GREM2: variants seen among roughly 807,000 people sequenced by gnomAD.
GREM2 encodes gremlin-2.
GREM2 carries 11 observed loss-of-function variants against 14.2 expected under a neutral mutation model. The ratio of observed to expected loss-of-function variants is 0.78; its 90% confidence interval spans 0.49 to 1.28. The LOEUF is 1.28. Among genes scored for constraint, GREM2 ranks in the 50% most tolerant of loss-of-function variants. The probability of loss-of-function intolerance (pLI) is 0.00; values close to 1 mark genes in which losing one functional copy is unlikely to be tolerated. For missense variants in GREM2, 210 were observed against 218.5 expected, an observed-to-expected ratio of 0.96 and a Z score of 0.24; for synonymous variants, 98 against 97.6, an observed-to-expected ratio of 1.00 and a Z score of -0.02.
At chr1:240,579,119 T>C (rs80206121) in intron 1 of GREM2, among the ~76,000 whole-genome samples, 2 of 152,292 alleles carry the variant, frequency 1.3e-5, no homozygotes, top group African/African-American at 2.4e-5. Flanking sequence ...CCAGGCCACA[T>C]CTGTCAGATT....
chr1:240,564,441 G>C (rs2103355855), intron 1 of GREM2, among the ~76,000 whole-genome samples: 1 of 150,380 alleles, frequency 6.6e-6, no homozygotes, highest in African/African-American at 2.4e-5. Context: ...CTGGGAGATG[G>C]AGGTTGCAAT....
intron 1 of GREM2, among the ~76,000 whole-genome samples, chr1:240,539,565 A>G (rs768573328): frequency 8.5e-5 from 13 of 152,196 alleles, no homozygotes; most frequent in Non-Finnish European, 1.6e-4. Context: ...GAGTTGAAAT[A>G]CAGTTTTTAA....
intron 1 of GREM2, among the ~76,000 whole-genome samples, chr1:240,585,459 G>A (rs1055790923): frequency 6.6e-6 from 1 of 152,064 alleles, no homozygotes; most frequent in Non-Finnish European, 1.5e-5. Context: ...ACTGGGCACG[G>A]TGGCTCACCC....
At chr1:240,551,406 T>C (rs927982848) in intron 1 of GREM2, among the ~76,000 whole-genome samples, 20 of 152,214 alleles carry the variant, frequency 1.3e-4, no homozygotes, top group African/African-American at 4.3e-4. Context: ...TGATGTGCAA[T>C]GGCGCAATCT....
intron 1 of GREM2, among the ~76,000 whole-genome samples, chr1:240,558,777 G>A (rs1419871575): frequency 6.6e-6 from 1 of 151,862 alleles, no homozygotes; most frequent in Non-Finnish European, 1.5e-5. Context: ...TATTGGGAAT[G>A]AAAACTGAAA....
At chr1:240,594,760 G>A (rs1042916122) in intron 1 of GREM2, among the ~76,000 whole-genome samples, 4 of 151,816 alleles carry the variant, frequency 2.6e-5, no homozygotes, top group Admixed American at 6.6e-5. Flanking sequence ...GTCACTTAAC[G>A]ACAGGGGACA....
chr1:240,518,387 T>G (rs1025759020), intron 1 of GREM2, among the ~76,000 whole-genome samples: 1 of 152,166 alleles, frequency 6.6e-6, no homozygotes, highest in African/African-American at 2.4e-5. Context: ...TTATCATCAG[T>G]TGGAGAGATA....
chr1:240,554,913 G>A (rs1026501819), intron 1 of GREM2, among the ~76,000 whole-genome samples: 19 of 152,146 alleles, frequency 1.2e-4, no homozygotes, highest in African/African-American at 4.3e-4. Flanking sequence ...GGAGGTTGAG[G>A]CGGGAGGATC....
intron 1 of GREM2, among the ~76,000 whole-genome samples, chr1:240,586,627 A>G (rs546669288): frequency 6.6e-6 from 1 of 152,334 alleles, no homozygotes; most frequent in African/African-American, 2.4e-5. Flanking sequence ...ACCCCAACAG[A>G]AATCTGCAAA....
intron 1 of GREM2, among the ~76,000 whole-genome samples, chr1:240,538,766 G>A (rs1678531056): frequency 6.6e-6 from 1 of 152,028 alleles, no homozygotes; most frequent in African/African-American, 2.4e-5. Flanking sequence ...ACCATGTTTG[G>A]TAAACTGTAT....
At chr1:240,597,880 G>C (rs1679851235) in intron 1 of GREM2, among the ~76,000 whole-genome samples, 1 of 152,100 alleles carries the variant, frequency 6.6e-6, no homozygotes, top group Non-Finnish European at 1.5e-5. Context: ...CCCTCTGCCA[G>C]CTACTGAGGG....
intron 1 of GREM2, among the ~76,000 whole-genome samples, chr1:240,599,698 C>T (rs1457283509): frequency 6.6e-6 from 1 of 152,180 alleles, no homozygotes; most frequent in East Asian, 1.9e-4. Context: ...ATAGCTATTA[C>T]TTTGATAAGT....
chr1:240,587,329 T>A (rs1405581001), intron 1 of GREM2, among the ~76,000 whole-genome samples: 4 of 151,900 alleles, frequency 2.6e-5, no homozygotes, highest in Non-Finnish European at 5.9e-5. Flanking sequence ...TTTCTTTTTT[T>A]TGGGGGGGTG....
At chr1:240,504,300 G>A (rs553949091) in intron 1 of GREM2, among the ~76,000 whole-genome samples, 6 of 152,062 alleles carry the variant, frequency 3.9e-5, no homozygotes, top group Non-Finnish European at 8.8e-5. Context: ...AATATTCTTT[G>A]TTATTTCTCA....
At chr1:240,586,459 C>T (rs1414258369) in intron 1 of GREM2, among the ~76,000 whole-genome samples, 1 of 152,168 alleles carries the variant, frequency 6.6e-6, no homozygotes, top group Non-Finnish European at 1.5e-5. Flanking sequence ...CCCTCTTGTT[C>T]CTGCTGCTTC....
At chr1:240,547,476 G>A (rs1355201385) in intron 1 of GREM2, among the ~76,000 whole-genome samples, 2 of 141,790 alleles carry the variant, frequency 1.4e-5, no homozygotes, top group African/African-American at 2.7e-5. Flanking sequence ...CTCCAGCCTG[G>A]GCGACAGAGT....
chr1:240,552,539 G>A (rs1045152402), intron 1 of GREM2, among the ~76,000 whole-genome samples: 1 of 152,172 alleles, frequency 6.6e-6, no homozygotes, highest in African/African-American at 2.4e-5. Context: ...AGATTACAGC[G>A]AGCTGTGATC....
chr1:240,563,811 A>G (rs1382414693), intron 1 of GREM2, among the ~76,000 whole-genome samples: 1 of 152,220 alleles, frequency 6.6e-6, no homozygotes, highest in Non-Finnish European at 1.5e-5. Context: ...CTGGTTAAAT[A>G]AAACCTATAG....
intron 1 of GREM2, among the ~76,000 whole-genome samples, chr1:240,578,701 T>C (rs1260398911): frequency 1.3e-5 from 2 of 151,946 alleles, no homozygotes; most frequent in Non-Finnish European, 2.9e-5. Flanking sequence ...GGAAATTCAC[T>C]TGAACCTGGG....
Sources: gnomAD v4.1 joint callset for allele counts (sites outside exome capture counted in the v4.1 genomes callset) on GRCh38, gnomAD v4.1.1 for gene constraint, MANE v1.5 for transcripts, NCBI Gene and HGNC (gene_info 2026-07-23, HGNC 2026-07-21) for gene names.